Variants in FAM81A observed in about 807,000 individuals in gnomAD.
FAM81A encodes protein FAM81A.
FAM81A carries 19 observed loss-of-function variants against 46.7 expected under a neutral mutation model. The ratio of observed to expected loss-of-function variants is 0.41; its 90% confidence interval spans 0.28 to 0.60. FAM81A has a LOEUF of 0.60. FAM81A is among the 20% of genes least tolerant of loss of function. The probability of loss-of-function intolerance (pLI) is 0.34; values close to 1 mark genes in which losing one functional copy is unlikely to be tolerated. For synonymous variants in FAM81A, 183 were observed against 152.9 expected, an observed-to-expected ratio of 1.20 and a Z score of -1.45; for missense variants, 377 against 453.5, an observed-to-expected ratio of 0.83 and a Z score of 1.53.
rs1271755931 is a variant in FAM81A, at chr15:59,413,523, AGGG to A, written c.-78+11167_-78+11169del. Among the ~76,000 whole-genome samples, 4 of 151,874 alleles carry A rather than the reference AGGG, an allele frequency of 2.6e-5. No individual in the cohort carries two copies. In the East Asian group the frequency reaches 7.7e-4, roughly 29 times the overall value. ...AATTAATAGCTGATTTTCTTATTTC[AGGG>A]GATATAATCTTGGGCAAATCAAAAA... On this transcript the variant is annotated intron_variant, in intron 2 of 4. Coordinates refer to the FAM81A transcript ENST00000558348.
intron 3 of FAM81A, among the ~76,000 whole-genome samples, chr15:59,469,705 G>A (rs4310796): frequency 0.026 from 3,966 of 152,152 alleles, 70 homozygotes; most frequent in Middle Eastern, 0.061. Flanking sequence ...GGGGCATTTA[G>A]CCCACTTACA....
intron 8 of FAM81A, among the ~76,000 whole-genome samples, chr15:59,519,560 TTTCCCTTCCC>T (rs201182251): frequency 2.0e-5 from 3 of 149,246 alleles, no homozygotes; most frequent in Non-Finnish European, 4.5e-5. Context: ...CTTTCTTTCC[TTTCCCTTCCC>T]TTCCCTTCCC....
rs558298671 is a variant in FAM81A, at chr15:59,469,854, C to A, written c.294+9648C>A. Among the ~76,000 whole-genome samples the A allele has an allele frequency of 2.6e-3, 389 of 152,224 alleles. 2 individuals carry two copies. The highest frequency in any genetic ancestry group is 6.8e-3 in the Middle Eastern group (2 of 294). On this transcript the variant is annotated intron_variant, in intron 3 of 8. Coordinates refer to ENST00000288228, the MANE Select transcript of FAM81A (RefSeq NM_152450.3). ...GGCATGTTTTTGCAGTGGCTGGTAC[C>A]GGTTGTTCCTTTCCATGTTTAGTGC...
chr15:59,432,986 C>G (rs1212907253), intron 2 of FAM81A, among the ~76,000 whole-genome samples: 1 of 142,046 alleles, frequency 7.0e-6, no homozygotes, highest in Non-Finnish European at 1.5e-5. Flanking sequence ...AAAAAAAATA[C>G]AAAAAATTAG....
At chr15:59,411,450 T>C (rs2081120192) in intron 2 of FAM81A, among the ~76,000 whole-genome samples, 1 of 152,128 alleles carries the variant, frequency 6.6e-6, no homozygotes, top group African/African-American at 2.4e-5. Context: ...AGAGGGGAAG[T>C]AAATTACTCA....
chr15:59,434,422 A>G (rs1346863417), upstream of FAM81A, among the ~76,000 whole-genome samples: 1 of 152,208 alleles, frequency 6.6e-6, no homozygotes, highest in Non-Finnish European at 1.5e-5. Flanking sequence ...TTTCTACAGC[A>G]TCCAGTCTTT....
chr15:59,437,545 C>T (rs560579316), upstream of FAM81A, among the ~76,000 whole-genome samples: 21 of 152,206 alleles, frequency 1.4e-4, no homozygotes, highest in African/African-American at 4.8e-4. Flanking sequence ...GGTTCTTCTT[C>T]TCGTCGTGTC....
chr15:59,401,458 G>C, intron 1 of FAM81A: 4 of 783,566 alleles, frequency 5.1e-6, no homozygotes, highest in Non-Finnish European at 9.2e-6. Flanking sequence ...ATGTTACATG[G>C]GCTTTCTTGA....
chr15:59,403,766 C>A (rs199768105), intron 2 of FAM81A, among the ~76,000 whole-genome samples: 1 of 53,182 alleles, frequency 1.9e-5, no homozygotes, highest in African/African-American at 4.0e-5. Flanking sequence ...TAATTGATTT[C>A]TTTTCAGTTA....
chr15:59,520,446 GTTTC>G (rs2082315637), intron 8 of FAM81A, among the ~76,000 whole-genome samples: 1 of 151,576 alleles, frequency 6.6e-6, no homozygotes, highest in African/African-American at 2.4e-5. Context: ...TAGTTGTCAT[GTTTC>G]TTTATTTAGT....
At chr15:59,458,519 T>A in intron 1 of FAM81A, 31 bp from the exon 2 acceptor site, 1 of 1,518,688 alleles carries the variant, frequency 6.6e-7, no homozygotes. Context: ...ATATAAACTG[T>A]TAAATAATTT....
chr15:59,502,540 G>C (rs1274577464), intron 4 of FAM81A, among the ~76,000 whole-genome samples: 1 of 150,718 alleles, frequency 6.6e-6, no homozygotes, highest in African/African-American at 2.5e-5. Flanking sequence ...TTGAGACAGA[G>C]TTTCGCTCTG....
In FAM81A at chr15:59,492,302, A is replaced by G. The variant is rs558828908; in HGVS notation, c.326A>G (p.Asn109Ser). ...CAGGAGCAGATTCGTGCCCGGGACA[A>G]CATTAGCTATGGAACTAATTCTGCC... is the stretch of plus-strand genomic sequence containing the variant. The part of the protein sequence containing the change: ...VLQEQIRARD[N>S]ISYGTNSALK... The change falls in exon 4 of 9, where the codon AAC becomes AGC. Residue 109 changes from asparagine to serine, a missense_variant. Asn to Ser is a conservative substitution (Grantham distance 46, BLOSUM62 1). Coordinates refer to ENST00000288228, the MANE Select transcript of FAM81A (RefSeq NM_152450.3). 5 of 1,613,696 alleles carry G rather than the reference A, an allele frequency of 3.1e-6. No homozygotes were observed. The South Asian group carries it at 3.3e-5, about 11-fold the overall frequency.
chr15:59,414,947 C>A (rs138581350), intron 2 of FAM81A, among the ~76,000 whole-genome samples: 354 of 151,798 alleles, frequency 2.3e-3, no homozygotes, highest in African/African-American at 8.1e-3. Flanking sequence ...TCCCAAGTAG[C>A]TGGGACTACA....
chr15:59,479,031 C>T (rs1449800723), intron 3 of FAM81A, among the ~76,000 whole-genome samples: 5 of 152,244 alleles, frequency 3.3e-5, no homozygotes, highest in Admixed American at 6.5e-5. Flanking sequence ...AACCCACTAA[C>T]AGCCAGGCAT....
At chr15:59,447,369 C>T (rs1182778987) in intron 1 of FAM81A, among the ~76,000 whole-genome samples, 1 of 152,218 alleles carries the variant, frequency 6.6e-6, no homozygotes, top group African/African-American at 2.4e-5. Context: ...CCAGATCGGC[C>T]TCACAACCAT....
chr15:59,434,962 G>A (rs1324049859), upstream of FAM81A, among the ~76,000 whole-genome samples: 1 of 152,154 alleles, frequency 6.6e-6, no homozygotes, highest in Non-Finnish European at 1.5e-5. Flanking sequence ...AGAGACAAAA[G>A]TAGAACCAGA....
At chr15:59,517,195 A>G (rs908061832) in intron 8 of FAM81A, among the ~76,000 whole-genome samples, 43 of 152,176 alleles carry the variant, frequency 2.8e-4, no homozygotes, top group African/African-American at 1.0e-3. Context: ...GGCTTATTTT[A>G]TAGTGCTAGC....
chr15:59,441,354 G>A (rs1452445844), intron 1 of FAM81A, among the ~76,000 whole-genome samples: 1 of 152,200 alleles, frequency 6.6e-6, no homozygotes, highest in Non-Finnish European at 1.5e-5. Flanking sequence ...GCACTGTTCC[G>A]TATGGTAGTC....
Sources: allele counts gnomAD v4.1 joint callset (sites outside exome capture counted in the v4.1 genomes callset), GRCh38; gene constraint gnomAD v4.1.1; transcripts MANE v1.5; gene names NCBI Gene and HGNC (gene_info 2026-07-23, HGNC 2026-07-21).